NDUFAF6: variants seen among roughly 807,000 people sequenced by gnomAD.
NDUFAF6 encodes NADH:ubiquinone oxidoreductase complex assembly factor 6.
In NDUFAF6, 45 loss-of-function variants were observed where a neutral mutation model predicts 40.8. That is an observed-to-expected ratio of 1.10 (90% CI 0.87 to 1.42). The LOEUF (loss-of-function observed/expected upper bound fraction) is 1.42. Ranked by LOEUF, NDUFAF6 falls within the 40% of genes most tolerant of loss-of-function variation. The pLI, the probability that NDUFAF6 is intolerant of heterozygous loss-of-function variation, is 0.00. For missense variants in NDUFAF6, 435 were observed against 418.5 expected (o/e 1.04, Z -0.34); for synonymous variants, 185 against 155.9 (o/e 1.19, Z -1.39).
At chr8:95,057,745 G>GTTTTT in intron 8 of NDUFAF6, 64 bp from the exon 9 acceptor site, 2 of 990,244 alleles carry the variant, frequency 2.0e-6, no homozygotes, top group African/African-American at 1.7e-5. Flanking sequence ...TCTTTAGTTA[G>GTTTTT]TTTTTTTTTT....
At chr8:95,037,030 T>C (rs756274931) in intron 3 of NDUFAF6, among the ~76,000 whole-genome samples, 1 of 152,230 alleles carries the variant, frequency 6.6e-6, no homozygotes, top group Admixed American at 6.5e-5. Context: ...GAGGGAACAA[T>C]GACAATGTGT....
In NDUFAF6 at chr8:95,035,450, A is replaced by G. The variant is rs1829383203; in HGVS notation, c.298-4A>G. The G allele has an allele frequency of 6.2e-7, 1 of 1,613,582 alleles. No homozygotes were observed. The highest frequency in any genetic ancestry group is 2.2e-5 in the East Asian group (1 of 44,784). On this transcript the variant is annotated splice_region_variant and splice_polypyrimidine_tract_variant and intron_variant, in intron 2 of 8. Coordinates refer to ENST00000396124, the MANE Select transcript of NDUFAF6 (RefSeq NM_152416.4). Reference sequence around the variant, plus strand: ...TTGCTAAAGTTTTTAAACCCTGTTTATAGGTTAAAGACTCAGTCTCTGAGA... The same window carrying G: ...TTGCTAAAGTTTTTAAACCCTGTTTGTAGGTTAAAGACTCAGTCTCTGAGA...
At chr8:94,896,812 G>T (rs1345071013) in intron 1 of NDUFAF6, 1 of 152,226 alleles carries the variant, frequency 6.6e-6, no homozygotes, top group Non-Finnish European at 1.5e-5. Context: ...GCTTTGGGGC[G>T]GGCGAAGTCC....
At chr8:95,045,290 G>A (rs1587117677) in intron 4 of NDUFAF6, among the ~76,000 whole-genome samples, 1 of 152,086 alleles carries the variant, frequency 6.6e-6, no homozygotes, top group African/African-American at 2.4e-5. Context: ...GGCTTCAGAT[G>A]AAATTTAAAA....
intron 1 of NDUFAF6, among the ~76,000 whole-genome samples, chr8:94,917,278 G>A (rs922037625): frequency 3.9e-5 from 6 of 152,126 alleles, no homozygotes; most frequent in Admixed American, 2.6e-4. Flanking sequence ...TCTGTCTTGT[G>A]AGAGCTACAG....
chr8:94,947,068 A>G (rs1372088781), intron 2 of NDUFAF6, among the ~76,000 whole-genome samples: 2 of 152,166 alleles, frequency 1.3e-5, no homozygotes, highest in African/African-American at 4.8e-5. Flanking sequence ...TTTACTGATG[A>G]GGAAACCGAG....
intron 1 of NDUFAF6, chr8:94,932,169 TTAC>T: frequency 6.5e-7 from 1 of 1,549,526 alleles, no homozygotes; most frequent in Non-Finnish European, 8.8e-7. Flanking sequence ...TATTGTAACT[TTAC>T]TATTAGGACG....
chr8:94,967,345 A>G (rs1586835933), intron 1 of NDUFAF6, among the ~76,000 whole-genome samples: 1 of 152,212 alleles, frequency 6.6e-6, no homozygotes, highest in Non-Finnish European at 1.5e-5. Flanking sequence ...TGGCTGAAGC[A>G]GTTCCAGGAC....
At chr8:94,994,142 T>C (rs957648615) in intron 2 of NDUFAF6, among the ~76,000 whole-genome samples, 16 of 152,192 alleles carry the variant, frequency 1.1e-4, no homozygotes, top group African/African-American at 3.9e-4. Context: ...GCCCCATTTA[T>C]GTTGGGCTTG....
At chr8:95,065,870 T>TTTA (rs1832690488) in intron 9 of NDUFAF6, among the ~76,000 whole-genome samples, 1 of 128,258 alleles carries the variant, frequency 7.8e-6, no homozygotes, top group South Asian at 2.9e-4. Flanking sequence ...AATCCATTTG[T>TTTA]TTATCCTTTG....
chr8:95,013,944 A>G (rs1827332746), intron 2 of NDUFAF6, among the ~76,000 whole-genome samples: 3 of 152,340 alleles, frequency 2.0e-5, no homozygotes, highest in South Asian at 4.1e-4. Context: ...GGGCACAGAC[A>G]TGCACACAGG....
intron 8 of NDUFAF6, among the ~76,000 whole-genome samples, chr8:95,052,621 AT>A (rs201814400): frequency 4.6e-5 from 7 of 151,288 alleles, no homozygotes; most frequent in African/African-American, 1.5e-4. Flanking sequence ...TATTCTGTTC[AT>A]TTTTTTTTCC....
intron 2 of NDUFAF6, chr8:95,085,793 A>G (rs1421086804): frequency 6.6e-6 from 1 of 152,220 alleles, no homozygotes; most frequent in Non-Finnish European, 1.5e-5. Flanking sequence ...AGACATAAAC[A>G]TGAAAATCAG....
chr8:94,985,904 C>A, intron 2 of NDUFAF6, among the ~76,000 whole-genome samples: 1 of 149,434 alleles, frequency 6.7e-6, no homozygotes, highest in Non-Finnish European at 1.5e-5. Flanking sequence ...GACGCAGTCT[C>A]ACTCTATCGC....
downstream of NDUFAF6, chr8:95,058,716 T>C (rs1292601635): frequency 1.0e-6 from 1 of 1,001,596 alleles, no homozygotes; most frequent in African/African-American, 1.7e-5. Context: ...CTTTATACTG[T>C]ACATTCTGCG....
chr8:94,949,668 G>A (rs946249108), intron 2 of NDUFAF6, among the ~76,000 whole-genome samples: 1 of 152,172 alleles, frequency 6.6e-6, no homozygotes, highest in South Asian at 2.1e-4. Flanking sequence ...AGGAGCCGGC[G>A]GGAGCGGGGT....
At chr8:94,953,999 C>T (rs1405290600), upstream of NDUFAF6, among the ~76,000 whole-genome samples, 1 of 152,068 alleles carries the variant, frequency 6.6e-6, no homozygotes, top group Non-Finnish European at 1.5e-5. Context: ...TGCTTTATTC[C>T]TCTTTGATAG....
At chr8:94,939,421 G>C (rs963100854) in intron 1 of NDUFAF6, among the ~76,000 whole-genome samples, 4 of 152,268 alleles carry the variant, frequency 2.6e-5, no homozygotes, top group South Asian at 2.1e-4. Context: ...TTTTGAGACA[G>C]AGTCTTGCTC....
chr8:95,088,445 C>T (rs1051022208), intron 2 of NDUFAF6, among the ~76,000 whole-genome samples: 12 of 152,162 alleles, frequency 7.9e-5, no homozygotes, highest in Admixed American at 4.6e-4. Context: ...GGCTGGATTC[C>T]GCTCTCTTCT....
Sources: gnomAD v4.1 joint callset for allele counts (sites outside exome capture counted in the v4.1 genomes callset) on GRCh38, gnomAD v4.1.1 for gene constraint, MANE v1.5 for transcripts, NCBI Gene and HGNC (gene_info 2026-07-23, HGNC 2026-07-21) for gene names.